Variants in SLC24A1 observed in about 807,000 individuals in gnomAD.
The protein encoded by SLC24A1 is solute carrier family 24 member 1, also known as sodium/potassium/calcium exchanger 1.
A neutral mutation model predicts 88.1 loss-of-function variants in SLC24A1; 52 were observed. The observed-to-expected ratio is 0.59, with a 90% confidence interval of 0.47 to 0.74. SLC24A1 has a LOEUF of 0.74. SLC24A1 is among the 30% of genes least tolerant of loss of function. The pLI is 0.00. For missense variants in SLC24A1, 1,173 were observed against 1,363.3 expected, an observed-to-expected ratio of 0.86 and a Z score of 2.20; for synonymous variants, 455 against 498.0, an observed-to-expected ratio of 0.91 and a Z score of 1.15.
intron 2 of SLC24A1, among the ~76,000 whole-genome samples, chr15:65,627,966 G>A (rs1048823060): frequency 1.3e-5 from 2 of 152,158 alleles, no homozygotes; most frequent in Non-Finnish European, 2.9e-5. Flanking sequence ...GATCCAGTAT[G>A]AATTTTTTTA....
intron 2 of SLC24A1, among the ~76,000 whole-genome samples, chr15:65,616,301 C>T (rs895950395): frequency 6.6e-6 from 1 of 152,180 alleles, no homozygotes; most frequent in African/African-American, 2.4e-5. Flanking sequence ...GAGGAATCAC[C>T]ACACTGTCTT....
chr15:65,617,503 G>T (rs1017723564), upstream of SLC24A1, among the ~76,000 whole-genome samples: 1 of 152,106 alleles, frequency 6.6e-6, no homozygotes, highest in African/African-American at 2.4e-5. Flanking sequence ...GTGAACGGGA[G>T]TTCACTCATG....
chr15:65,658,060 A>G (rs2075741030), downstream of SLC24A1: 1 of 152,260 alleles, frequency 6.6e-6, no homozygotes, highest in African/African-American at 2.4e-5. Context: ...GAAAGGCAGC[A>G]ATAACTTTAT....
Position 65,654,826 on chromosome 15 carries a change from C to A in SLC24A1, c.*747C>A. 1 of 1,053,488 alleles carries A rather than the reference C, an allele frequency of 9.5e-7. No individual in the cohort carries two copies. Among genetic ancestry groups the A allele is most frequent in the Non-Finnish European group, 1.2e-6 (1 of 800,960 alleles). The allele number at this position is 1,053,488 out of a possible 1,614,324, so 65.3% of individuals were successfully genotyped here. ...GTTCAAGCAATTCTCCTGCCTCAGC[C>A]TGAAGTCGTGATCTGCCCGCCTCGG... On this transcript the variant is annotated 3_prime_UTR_variant, in exon 10 of 10. Transcript: ENST00000261892.
rs2075451971 is a variant in SLC24A1 at position 65,650,305 on chromosome 15, C to CA, written c.2233-70dup. ...AGATACCTTCTGAGAAGCACGCCAA[C>CA]AAAAAAATGGGGGAGTAACATAAGG... On this transcript the variant is annotated intron_variant, in intron 6 of 9. Coordinates refer to ENST00000261892, the MANE Select transcript of SLC24A1 (RefSeq NM_004727.3). The surrounding 1 kb of genome is among the most constrained non-coding windows in gnomAD (Gnocchi z 4.1). The CA allele has an allele frequency of 4.7e-6, 6 of 1,271,806 alleles. No individual in the cohort carries two copies. The highest frequency in any genetic ancestry group is 5.1e-5 in the East Asian group (2 of 39,354). The allele number at this position is 1,271,806 out of a possible 1,614,324, so 78.8% of individuals were successfully genotyped here.
At position 65,654,360 on chromosome 15, in the gene SLC24A1, G is replaced by T; in HGVS notation, c.*281G>T. On this transcript the variant is annotated 3_prime_UTR_variant, in exon 10 of 10. Transcript: ENST00000261892. ...AGTAGAAGGACCCCTGGAGCCAGAG[G>T]GTTTTCTAAATGAGATAACTGGGGG... is the stretch of plus-strand genomic sequence containing the variant. The T allele has an allele frequency of 1.6e-6, 2 of 1,224,422 alleles. No homozygotes were observed. Among genetic ancestry groups the T allele is most frequent in the East Asian group, 4.3e-5 (1 of 23,380 alleles). 75.8% of individuals were successfully genotyped at this position (1,224,422 alleles called of 1,614,324 possible).
intron 2 of SLC24A1, among the ~76,000 whole-genome samples, chr15:65,615,316 A>G (rs2074101882): frequency 6.6e-6 from 1 of 152,236 alleles, no homozygotes; most frequent in Admixed American, 6.5e-5. Flanking sequence ...TTAAAACCTT[A>G]GTGGCATCTT....
At chr15:65,611,960 C>G (rs534287270) in intron 1 of SLC24A1, 1 of 152,394 alleles carries the variant, frequency 6.6e-6, no homozygotes, top group East Asian at 1.9e-4. Context: ...AAGACTTGGC[C>G]TCTTGGTCTC....
At chr15:65,623,145 T>C (rs955890892) in intron 1 of SLC24A1, among the ~76,000 whole-genome samples, 1 of 152,236 alleles carries the variant, frequency 6.6e-6, no homozygotes, top group Non-Finnish European at 1.5e-5. Flanking sequence ...AACATGCACA[T>C]GATAAAAAGG....
chr15:65,655,586 G>T lies in SLC24A1; in HGVS notation c.*1507G>T. 1.0e-6 allele frequency: 1 copy of T among 985,326 alleles called. No individual in the cohort carries two copies. The highest frequency in any genetic ancestry group is 1.2e-6 in the Non-Finnish European group (1 of 829,888). 61.0% of individuals were successfully genotyped at this position (985,326 alleles called of 1,614,324 possible). On this transcript the variant is annotated 3_prime_UTR_variant, in exon 10 of 10. Transcript: ENST00000261892. ...GAAATAGAACAGCTTAATATCACTG[G>T]CTTCAGAGCAAAATGAGCTCGGGTG...
At chr15:65,614,096 T>A (rs1204531605) in intron 2 of SLC24A1, among the ~76,000 whole-genome samples, 1 of 152,160 alleles carries the variant, frequency 6.6e-6, no homozygotes, top group Non-Finnish European at 1.5e-5. Context: ...AAAAATTTTA[T>A]TATGGAAATT....
At chr15:65,619,860 T>A (rs1051852525), upstream of SLC24A1, among the ~76,000 whole-genome samples, 3 of 152,042 alleles carry the variant, frequency 2.0e-5, no homozygotes, top group Non-Finnish European at 4.4e-5. Context: ...TCCATCCTGT[T>A]CCAGGGGAGG....
upstream of SLC24A1, chr15:65,618,994 C>T (rs1001898913): frequency 1.3e-5 from 2 of 152,234 alleles, no homozygotes; most frequent in Non-Finnish European, 2.9e-5. Context: ...TGGTTCTAGC[C>T]ACTGGCTTGG....
Position 65,639,616 on chromosome 15 carries a change from G to T in SLC24A1, c.1966G>T (p.Gly656Trp). 1 of 1,611,286 alleles carries T rather than the reference G, an allele frequency of 6.2e-7. No individual in the cohort carries two copies. Among genetic ancestry groups the T allele is most frequent in the Non-Finnish European group, 8.5e-7 (1 of 1,178,874 alleles). The change falls in exon 4 of 10, where the codon GGG becomes TGG. Residue 656 changes from glycine (G) to tryptophan (W), a missense_variant. Gly to Trp is a radical substitution (Grantham distance 184, BLOSUM62 -2). Coordinates refer to ENST00000261892, the MANE Select transcript of SLC24A1 (RefSeq NM_004727.3). ...TCAGCTCCCGTCCTTGCTGACCCGA[G>T]GGAGCAGCTCGACCTCTCTGCACAA... ...KLKLPSLLTR[G>W]SSSTSLHNST...
chr15:65,656,145 TG>T lies in SLC24A1; in HGVS notation c.*2069del. 1.4e-5 allele frequency: 14 copies of T among 985,444 alleles called. No homozygotes were observed. The highest frequency in any genetic ancestry group is 1.7e-5 in the Non-Finnish European group (14 of 829,948). 61.0% of individuals were successfully genotyped at this position (985,444 alleles called of 1,614,324 possible). On this transcript the variant is annotated 3_prime_UTR_variant, in exon 10 of 10. Transcript: ENST00000261892. ...CGGGGATGTCACCTCACCCACAGCC[TG>T]GGATCTGACGTTCTTCCTCAGACTG...
chr15:65,643,232 G>A (rs935304629), intron 4 of SLC24A1, among the ~76,000 whole-genome samples: 1 of 152,190 alleles, frequency 6.6e-6, no homozygotes, highest in Non-Finnish European at 1.5e-5. Context: ...CAGCTATAGC[G>A]CAAGTGGCAG....
At chr15:65,652,279 T>G in intron 8 of SLC24A1, 1 of 281,588 alleles carries the variant, frequency 3.6e-6, no homozygotes, top group South Asian at 4.4e-5. Flanking sequence ...ACACAGCAAG[T>G]GTCCACATTC....
chr15:65,656,249 C>A lies in SLC24A1; in HGVS notation c.*2170C>A, dbSNP rs1682799122. ...ATCCACTGAATGATTAAAACCAACT[C>A]TAATAATCTGACATCCTTTTCCCAG... On this transcript the variant is annotated 3_prime_UTR_variant, in exon 10 of 10. Coordinates refer to ENST00000261892, the MANE Select transcript of SLC24A1 (RefSeq NM_004727.3). 1.0e-6 allele frequency: 1 copy of A among 985,026 alleles called. No homozygotes were observed. The highest frequency in any genetic ancestry group is 1.2e-6 in the Non-Finnish European group (1 of 829,672). 61.0% of individuals were successfully genotyped at this position (985,026 alleles called of 1,614,324 possible).
Position 65,654,994 on chromosome 15 carries a change from T to C in SLC24A1, c.*915T>C. On this transcript the variant is annotated 3_prime_UTR_variant, in exon 10 of 10. Coordinates refer to ENST00000261892, the MANE Select transcript of SLC24A1 (RefSeq NM_004727.3). ...TAAAAAGCAGCCTGAAAAATAAAAA[T>C]TTATAATTTGCCCTTGAATTGGAAG... 9.7e-7 allele frequency: 1 copy of C among 1,035,810 alleles called. No individual in the cohort carries two copies. Among genetic ancestry groups the C allele is most frequent in the Non-Finnish European group, 1.2e-6 (1 of 859,138 alleles). The allele number at this position is 1,035,810 out of a possible 1,614,324, so 64.2% of individuals were successfully genotyped here.
Sources: gnomAD v4.1 joint callset for allele counts (sites outside exome capture counted in the v4.1 genomes callset) on GRCh38, gnomAD v4.1.1 for gene constraint, Gnocchi (gnomAD v3.1) non-coding constraint, MANE v1.5 for transcripts, NCBI Gene and HGNC (gene_info 2026-07-23, HGNC 2026-07-21) for gene names.